APPBP2: variants seen among roughly 807,000 people sequenced by gnomAD.
APPBP2 encodes the protein amyloid protein-binding protein 2.
A neutral mutation model predicts 76.0 loss-of-function variants in APPBP2; 15 were observed. The ratio of observed to expected loss-of-function variants is 0.20; its 90% CI spans 0.13 to 0.30. APPBP2 has a LOEUF of 0.30. Ranked by LOEUF, APPBP2 falls within the 10% of genes least tolerant of loss-of-function variation. The probability of loss-of-function intolerance (pLI) is 1.00; values close to 1 mark genes in which losing one functional copy is unlikely to be tolerated. For missense variants in APPBP2, 401 were observed against 687.2 expected (o/e 0.58, Z 4.66); for synonymous variants, 222 against 242.2 (o/e 0.92, Z 0.77).
intron 3 of APPBP2, among the ~76,000 whole-genome samples, chr17:60,487,514 T>C (rs1226466445): frequency 6.6e-6 from 1 of 152,240 alleles, no homozygotes; most frequent in East Asian, 1.9e-4. Flanking sequence ...ATGTGTCATG[T>C]AGTTCTCGCG....
intron 1 of APPBP2, among the ~76,000 whole-genome samples, chr17:60,502,209 G>C (rs8082064): frequency 6.6e-6 from 1 of 152,078 alleles, no homozygotes; most frequent in African/African-American, 2.4e-5. Flanking sequence ...TTACAGGCGT[G>C]AGCCACTGCG....
chr17:60,522,556 A>G (rs1254928724), intron 1 of APPBP2, among the ~76,000 whole-genome samples: 2 of 152,150 alleles, frequency 1.3e-5, no homozygotes, highest in Non-Finnish European at 2.9e-5. Flanking sequence ...CCTGTGCTCA[A>G]GCGATCCTTC....
chr17:60,498,866 T>C (rs2090798762), intron 2 of APPBP2, among the ~76,000 whole-genome samples: 1 of 152,174 alleles, frequency 6.6e-6, no homozygotes. Flanking sequence ...ATTGAGACAA[T>C]TTCTCAATGA....
At chr17:60,523,220 T>C (rs2143512460) in intron 1 of APPBP2, among the ~76,000 whole-genome samples, 1 of 152,206 alleles carries the variant, frequency 6.6e-6, no homozygotes, top group South Asian at 2.1e-4. Flanking sequence ...CCTCCTAAAA[T>C]TTTCACAAGT....
intron 3 of APPBP2, 103 bp downstream of exon 3, chr17:60,494,363 C>T (rs1025380101): frequency 2.3e-6 from 3 of 1,303,914 alleles, no homozygotes; most frequent in Non-Finnish European, 3.2e-6. Flanking sequence ...TTCTCATAAC[C>T]TTCTTACGTA....
chr17:60,492,264 C>A (rs2090736115), intron 3 of APPBP2, among the ~76,000 whole-genome samples: 1 of 152,158 alleles, frequency 6.6e-6, no homozygotes, highest in Non-Finnish European at 1.5e-5. Flanking sequence ...AGGGTGAGGT[C>A]CTCATGAAAA....
intron 1 of APPBP2, among the ~76,000 whole-genome samples, chr17:60,513,024 C>T (rs886799657): frequency 2.0e-4 from 29 of 145,436 alleles, no homozygotes; most frequent in African/African-American, 7.3e-4. Context: ...CGCATCTTGG[C>T]GTGAGACAGC....
At chr17:60,518,354 CGTGCGTGTGTGT>C (rs1161390349) in intron 1 of APPBP2, among the ~76,000 whole-genome samples, 2 of 71,688 alleles carry the variant, frequency 2.8e-5, no homozygotes, top group African/African-American at 1.4e-4. Context: ...GCCGTGTGTG[CGTGCGTGTGTGT>C]GTGTGTGTGT....
intron 3 of APPBP2, among the ~76,000 whole-genome samples, chr17:60,485,722 T>C (rs933397037): frequency 4.6e-5 from 7 of 152,196 alleles, no homozygotes; most frequent in Non-Finnish European, 1.0e-4. Context: ...TGATCTTAGT[T>C]ATTTCTTGCC....
intron 1 of APPBP2, among the ~76,000 whole-genome samples, chr17:60,512,417 G>A (rs975550187): frequency 6.6e-6 from 1 of 151,912 alleles, no homozygotes; most frequent in Admixed American, 6.6e-5. Flanking sequence ...ATTGCATATA[G>A]AAAAATTGAA....
At chr17:60,477,442 T>G (rs1241837452) in intron 4 of APPBP2, 4 of 152,202 alleles carry the variant, frequency 2.6e-5, no homozygotes, top group Non-Finnish European at 5.9e-5. Context: ...ATTAACCAGT[T>G]TATGTACATA....
In APPBP2 at chr17:60,526,123, C is replaced by T. The variant is rs946764929; in HGVS notation, c.-192G>A. ...GGGACGGCGGCAGCGGACGCAGGCC[C>T]GAGTAAAAAGTGGGACAGAAAACAG... On this transcript the variant is annotated 5_prime_UTR_variant, in exon 1 of 13. Transcript: ENST00000083182. 9 of 591,150 alleles carry T rather than the reference C, an allele frequency of 1.5e-5. No individual in the cohort carries two copies. Among genetic ancestry groups the T allele is most frequent in the African/African-American group, 1.5e-4 (8 of 53,392 alleles). The allele number at this position is 591,150 out of a possible 1,614,324, so 36.6% of individuals were successfully genotyped here.
chr17:60,522,002 G>A (rs1188411440), intron 1 of APPBP2, among the ~76,000 whole-genome samples: 1 of 152,112 alleles, frequency 6.6e-6, no homozygotes, highest in African/African-American at 2.4e-5. Context: ...ACATAACCTA[G>A]GTGTGTAGTA....
chr17:60,458,806 C>T (rs2090452450), intron 9 of APPBP2, among the ~76,000 whole-genome samples: 1 of 149,056 alleles, frequency 6.7e-6, no homozygotes, highest in Non-Finnish European at 1.5e-5. Context: ...GACGGAGTCT[C>T]GTTCTGTCGC....
intron 4 of APPBP2, among the ~76,000 whole-genome samples, chr17:60,466,832 ATCT>A (rs1349579123): frequency 1.3e-5 from 2 of 152,242 alleles, no homozygotes; most frequent in Non-Finnish European, 2.9e-5. Flanking sequence ...GACATAAAAT[ATCT>A]TCTTTTCTTA....
chr17:60,447,726 T>C lies in APPBP2; in HGVS notation c.1613A>G (p.Asn538Ser), dbSNP rs751105768. Residue 538 changes from asparagine (N) to serine (S), a missense_variant, in exon 13 of 13, where the codon AAT becomes AGT. Around this residue, in one of 5 missense-constraint regions of APPBP2, gnomAD observed 56 missense variants for 76.5 expected, o/e 0.73. Transcript: ENST00000083182. The part of the protein sequence containing the change: ...GNYEKVFEYH[N>S]VLSNWNRLRD... ...CAACCGGTTCCAGTTAGACAGAACA[T>C]TGTGATATTCAAACACTTTCTCGTA... The C allele has an allele frequency of 9.3e-6, 15 of 1,614,058 alleles. No individual in the cohort carries two copies. Among genetic ancestry groups the C allele is most frequent in the East Asian group, 2.2e-5 (1 of 44,890 alleles).
chr17:60,500,499 A>C lies in APPBP2; in HGVS notation c.139-12T>G. On this transcript the variant is annotated splice_polypyrimidine_tract_variant and intron_variant, in intron 1 of 12. Transcript: ENST00000083182. The stretch of plus-strand genomic sequence containing the variant: ...CCCTGTTGGTAAAGCTGAAATAAAA[A>C]ACAAATGATTTAAAAATTTTGCAAT... 6.3e-7 allele frequency: 1 copy of C among 1,580,730 alleles called. No individual in the cohort carries two copies. The highest frequency in any genetic ancestry group is 8.6e-7 in the Non-Finnish European group (1 of 1,167,578).
Position 60,503,499 on chromosome 17 carries a change from C to G in APPBP2, c.139-3012G>C, listed in dbSNP as rs906751485. ...CTCTCAGGTTCAAGTGATTCCCTTG[C>G]TTCAGCCTCTGGAGTAGCTGGGATT... On this transcript the variant is annotated intron_variant, in intron 1 of 12. Coordinates refer to ENST00000083182, the MANE Select transcript of APPBP2 (RefSeq NM_006380.5). Among the ~76,000 whole-genome samples the G allele has an allele frequency of 1.4e-4, 20 of 145,138 alleles. 5 individuals carry two copies. The highest frequency in any genetic ancestry group is 5.7e-4 in the African/African-American group (20 of 34,876).
chr17:60,513,198 C>T (rs372523650), intron 1 of APPBP2: 9 of 365,134 alleles, frequency 2.5e-5, no homozygotes, highest in African/African-American at 8.6e-5. Context: ...GCAGTGCAAG[C>T]GGCCAAGAGG....
Sources: gnomAD v4.1 joint callset for allele counts (sites outside exome capture counted in the v4.1 genomes callset) on GRCh38, gnomAD v4.1.1 for gene constraint, gnomAD v4.1.1 regional missense constraint, MANE v1.5 for transcripts, NCBI Gene and HGNC (gene_info 2026-07-23, HGNC 2026-07-21) for gene names.